CLEC16A: variants seen among roughly 807,000 people sequenced by gnomAD.
CLEC16A encodes the protein protein CLEC16A.
A neutral mutation model predicts 109.5 loss-of-function variants in CLEC16A; 51 were observed. That is an observed-to-expected ratio of 0.47 (90% CI 0.37 to 0.59). The LOEUF is 0.59. Ranked by LOEUF, CLEC16A falls within the 20% of genes least tolerant of loss-of-function variation. The probability of loss-of-function intolerance (pLI) is 0.00; values close to 1 mark genes in which losing one functional copy is unlikely to be tolerated. For synonymous variants in CLEC16A, 673 were observed against 564.2 expected, an observed-to-expected ratio of 1.19 and a Z score of -2.73; for missense variants, 1,339 against 1,394.0, an observed-to-expected ratio of 0.96 and a Z score of 0.63.
At chr16:11,059,406 T>C (rs1394791269) in intron 18 of CLEC16A, among the ~76,000 whole-genome samples, 1 of 152,162 alleles carries the variant, frequency 6.6e-6, no homozygotes, top group Non-Finnish European at 1.5e-5. Context: ...TACCTTAGCA[T>C]AGGGCCAGGA....
intron 22 of CLEC16A, among the ~76,000 whole-genome samples, chr16:11,134,556 C>A (rs1446527379): frequency 6.6e-6 from 1 of 152,138 alleles, no homozygotes; most frequent in Non-Finnish European, 1.5e-5. Context: ...TATTCCTTAT[C>A]CAAGATGCTT....
intron 19 of CLEC16A, among the ~76,000 whole-genome samples, chr16:11,108,832 C>T (rs974963472): frequency 1.3e-5 from 2 of 152,074 alleles, no homozygotes; most frequent in African/African-American, 2.4e-5. Context: ...ACTACTGGGC[C>T]GGGCGCGGTG....
chr16:11,146,306 T>C (rs1352841279), intron 22 of CLEC16A, among the ~76,000 whole-genome samples: 7 of 152,146 alleles, frequency 4.6e-5, no homozygotes, highest in Non-Finnish European at 1.0e-4. Context: ...AACTGTAAGC[T>C]CCAGGAAAAC....
At chr16:11,163,834 C>A (rs1032519282) in intron 22 of CLEC16A, among the ~76,000 whole-genome samples, 1 of 152,200 alleles carries the variant, frequency 6.6e-6, no homozygotes, top group Non-Finnish European at 1.5e-5. Context: ...GGCTGGCCCT[C>A]TGTTCATGGC....
chr16:11,118,430 A>G (rs1030768734), intron 19 of CLEC16A, among the ~76,000 whole-genome samples: 1 of 152,212 alleles, frequency 6.6e-6, no homozygotes, highest in Admixed American at 6.5e-5. Flanking sequence ...TGCTGTACAC[A>G]TCCAATGCCC....
intron 1 of CLEC16A, among the ~76,000 whole-genome samples, chr16:10,955,967 A>C (rs993899923): frequency 3.9e-5 from 6 of 152,236 alleles, no homozygotes; most frequent in African/African-American, 1.4e-4. Context: ...TGGGAACTGC[A>C]GTTTGGAAAA....
chr16:11,158,923 G>GGA (rs1191975205), intron 22 of CLEC16A, among the ~76,000 whole-genome samples: 55 of 139,374 alleles, frequency 3.9e-4, no homozygotes, highest in Middle Eastern at 3.6e-3. Flanking sequence ...CCAGCTCAGG[G>GGA]AAAAAAAAAA....
chr16:10,981,670 T>A (rs1371436005), intron 9 of CLEC16A, among the ~76,000 whole-genome samples: 2 of 152,250 alleles, frequency 1.3e-5, no homozygotes, highest in Non-Finnish European at 2.9e-5. Flanking sequence ...TAATTTTTTT[T>A]AAACAACGTT....
chr16:11,044,622 C>T (rs1205104403), intron 16 of CLEC16A, among the ~76,000 whole-genome samples: 1 of 152,116 alleles, frequency 6.6e-6, no homozygotes, highest in East Asian at 1.9e-4. Flanking sequence ...CTTCAGGTTC[C>T]AGATGGTTTT....
chr16:11,060,751 C>A, intron 18 of CLEC16A, 151 bp from the exon 19 acceptor site: 2 of 704,080 alleles, frequency 2.8e-6, no homozygotes, highest in Non-Finnish European at 4.2e-6. Flanking sequence ...TATAAAAGCA[C>A]GTACCAGAAT....
chr16:11,088,942 A>G (rs917776117), intron 19 of CLEC16A, among the ~76,000 whole-genome samples: 3 of 152,244 alleles, frequency 2.0e-5, no homozygotes, highest in Admixed American at 2.0e-4. Flanking sequence ...CAGTTTGTAG[A>G]GTAAAAAGTG....
intron 11 of CLEC16A, among the ~76,000 whole-genome samples, chr16:11,017,996 T>A: frequency 2.7e-5 from 3 of 111,906 alleles, no homozygotes; most frequent in African/African-American, 4.0e-5. Flanking sequence ...TTTAAAGAGG[T>A]ATTAAAAAAA....
At chr16:11,055,049 C>A (rs375550880) in intron 18 of CLEC16A, among the ~76,000 whole-genome samples, 1 of 151,736 alleles carries the variant, frequency 6.6e-6, no homozygotes, top group East Asian at 1.9e-4. Context: ...ATTCTCCTGG[C>A]AAATCATTCC....
intron 10 of CLEC16A, among the ~76,000 whole-genome samples, chr16:10,997,637 A>G (rs1390085270): frequency 1.3e-5 from 2 of 152,248 alleles, no homozygotes; most frequent in African/African-American, 2.4e-5. Flanking sequence ...AGTGCTGGTA[A>G]TATCTAAATA....
intron 10 of CLEC16A, among the ~76,000 whole-genome samples, chr16:10,995,262 G>A (rs2044259671): frequency 6.6e-6 from 1 of 152,240 alleles, no homozygotes; most frequent in South Asian, 2.1e-4. Flanking sequence ...TGGCAACTGA[G>A]ACCTATAGAG....
chr16:11,167,433 C>T (rs934150140), intron 23 of CLEC16A, among the ~76,000 whole-genome samples: 2 of 152,124 alleles, frequency 1.3e-5, no homozygotes, highest in Non-Finnish European at 2.9e-5. Context: ...GGCACGTGGC[C>T]CACCTCTCAT....
At chr16:11,052,218 C>T (rs1342515719) in intron 18 of CLEC16A, among the ~76,000 whole-genome samples, 1 of 152,106 alleles carries the variant, frequency 6.6e-6, no homozygotes, top group Non-Finnish European at 1.5e-5. Context: ...CAGGGGTGTT[C>T]ATGGTATTTT....
intron 19 of CLEC16A, among the ~76,000 whole-genome samples, chr16:11,117,980 T>G (rs1377829090): frequency 6.6e-6 from 1 of 150,710 alleles, no homozygotes; most frequent in East Asian, 1.9e-4. Context: ...TTTCTTTTCT[T>G]TTCTTTTTTT....
chr16:11,056,945 T>G (rs1347293415), intron 18 of CLEC16A: 2 of 152,234 alleles, frequency 1.3e-5, no homozygotes, highest in Non-Finnish European at 2.9e-5. Context: ...TCTTATGGCC[T>G]CATAAAGGTT....
Sources: gnomAD v4.1 joint callset for allele counts (sites outside exome capture counted in the v4.1 genomes callset) on GRCh38, gnomAD v4.1.1 for gene constraint, MANE v1.5 for transcripts, NCBI Gene and HGNC (gene_info 2026-07-23, HGNC 2026-07-21) for gene names.